The following RIMBP2 variants were observed in gnomAD, a reference collection of about 807,000 sequenced individuals.
The protein encoded by RIMBP2 is RIMS-binding protein 2.
Under a neutral mutation model 118.6 loss-of-function variants are expected in RIMBP2, and 48 were observed. The ratio of observed to expected loss-of-function variants is 0.40; its 90% CI spans 0.32 to 0.51. RIMBP2 has a LOEUF of 0.51. Ranked by LOEUF, RIMBP2 falls within the 20% of genes least tolerant of loss-of-function variation. The pLI, the probability that RIMBP2 is intolerant of heterozygous loss-of-function variation, is 0.41. For missense variants in RIMBP2, 1,551 were observed against 1,768.3 expected, an observed-to-expected ratio of 0.88 and a Z score of 2.20; for synonymous variants, 762 against 742.9, an observed-to-expected ratio of 1.03 and a Z score of -0.42.
chr12:130,488,323 GAA>G (rs11367115), intron 4 of RIMBP2, among the ~76,000 whole-genome samples: 4 of 151,536 alleles, frequency 2.6e-5, no homozygotes, highest in African/African-American at 4.9e-5. Context: ...AGTGGATGGC[GAA>G]AAAAAAGTTT....
intron 2 of RIMBP2, among the ~76,000 whole-genome samples, chr12:130,615,280 TATATATATATATATATG>T (rs2060849924): frequency 7.8e-6 from 1 of 127,542 alleles, no homozygotes; most frequent in Non-Finnish European, 1.6e-5. Flanking sequence ...CACATACATA[TATATATATATATATATG>T]TGTACACACA....
intron 2 of RIMBP2, among the ~76,000 whole-genome samples, chr12:130,589,403 T>C (rs1361133944): frequency 6.6e-6 from 1 of 152,376 alleles, no homozygotes; most frequent in African/African-American, 2.4e-5. Context: ...AAAGCACTCA[T>C]TGATGTACTC....
intron 5 of RIMBP2, 23 bp downstream of exon 5, chr12:130,478,889 G>A (rs756623599): frequency 2.6e-5 from 42 of 1,587,306 alleles, no homozygotes; most frequent in Middle Eastern, 4.1e-4. Context: ...CTCGCACGCC[G>A]CGCCCGGCTG....
intron 1 of RIMBP2, among the ~76,000 whole-genome samples, chr12:130,646,684 C>T (rs984238810): frequency 2.6e-5 from 4 of 152,228 alleles, no homozygotes; most frequent in Non-Finnish European, 2.9e-5. Context: ...CTATCTAAAA[C>T]TTAAAATTGT....
chr12:130,670,047 A>G lies in RIMBP2; in HGVS notation c.-351-41591T>C, dbSNP rs899364412. On this transcript the variant is annotated intron_variant, in intron 1 of 22. Transcript: ENST00000690449. This position sits in a 1 kb window ranked among gnomAD's most constrained non-coding sequence, Gnocchi z 4.9. ...ATTATGCAGGTGGGCCCCGAATCCA[A>G]TGACTGCTGTTTTTATAAAAGACTC... Among the ~76,000 whole-genome samples, 9 of 152,174 alleles carry G rather than the reference A, an allele frequency of 5.9e-5. No individual in the cohort carries two copies. Among genetic ancestry groups the G allele is most frequent in the African/African-American group, 1.4e-4 (6 of 41,432 alleles).
At chr12:130,681,431 G>T (rs1295909513) in intron 1 of RIMBP2, among the ~76,000 whole-genome samples, 2 of 152,016 alleles carry the variant, frequency 1.3e-5, no homozygotes, top group African/African-American at 4.8e-5. Context: ...TTTAGTTCCA[G>T]AATTTTTTAT....
chr12:130,676,843 G>A (rs565040973), intron 1 of RIMBP2, among the ~76,000 whole-genome samples: 1 of 152,264 alleles, frequency 6.6e-6, no homozygotes, highest in East Asian at 1.9e-4. Flanking sequence ...GGACAAGTGA[G>A]GGGCTGCTGG....
At chr12:130,579,150 G>T (rs1485612181) in intron 2 of RIMBP2, among the ~76,000 whole-genome samples, 1 of 152,118 alleles carries the variant, frequency 6.6e-6, no homozygotes, top group East Asian at 1.9e-4. Context: ...TCTGAGCCCC[G>T]CTTTTGAGGA....
intron 2 of RIMBP2, among the ~76,000 whole-genome samples, chr12:130,589,669 T>C (rs2059134604): frequency 6.6e-6 from 1 of 152,212 alleles, no homozygotes; most frequent in Admixed American, 6.5e-5. Context: ...ATTTAATCCT[T>C]CCGCAATGTA....
intron 6 of RIMBP2, among the ~76,000 whole-genome samples, chr12:130,459,289 GA>G (rs76094386): frequency 8.2e-4 from 113 of 138,344 alleles, no homozygotes; most frequent in Non-Finnish European, 9.8e-4. Flanking sequence ...AGCTATATAC[GA>G]AAAAAAAAAA....
chr12:130,594,500 T>C (rs534979309), intron 2 of RIMBP2, among the ~76,000 whole-genome samples: 23 of 152,292 alleles, frequency 1.5e-4, no homozygotes, highest in South Asian at 1.2e-3. Context: ...CTGGGCCACA[T>C]TGGAAGAAGA....
At chr12:130,504,050 G>A (rs931148539) in intron 4 of RIMBP2, among the ~76,000 whole-genome samples, 2 of 152,190 alleles carry the variant, frequency 1.3e-5, no homozygotes, top group Admixed American at 6.5e-5. Context: ...TGGGAGCAGG[G>A]GGGGGTGTCT....
intron 17 of RIMBP2, among the ~76,000 whole-genome samples, chr12:130,421,404 C>T (rs1375032745): frequency 6.6e-6 from 1 of 152,166 alleles, no homozygotes; most frequent in East Asian, 1.9e-4. Flanking sequence ...AATCTAAAAG[C>T]TGTGAAGATG....
chr12:130,449,460 C>T (rs1056530225), intron 9 of RIMBP2, among the ~76,000 whole-genome samples: 10 of 152,188 alleles, frequency 6.6e-5, no homozygotes, highest in African/African-American at 1.7e-4. Context: ...GCCCACTCAG[C>T]GGCTGTCATC....
At chr12:130,402,547 A>AACTT in intron 21 of RIMBP2, among the ~76,000 whole-genome samples, 1 of 152,180 alleles carries the variant, frequency 6.6e-6, no homozygotes, top group East Asian at 1.9e-4. Flanking sequence ...TTTACAGAAT[A>AACTT]ACTTTCTCTA....
chr12:130,419,366 G>A lies in RIMBP2; in HGVS notation c.3238+3087C>T, dbSNP rs546790875. ...GGGAGATCAGGGCTCATGCCTGGAC[G>A]CCTGGGTGGGCTCCCAAATCCACTG... On this transcript the variant is annotated intron_variant, in intron 17 of 22. Coordinates refer to ENST00000690449, the MANE Select transcript of RIMBP2 (RefSeq NM_001393629.1). This position sits in a 1 kb window ranked among gnomAD's most constrained non-coding sequence, Gnocchi z 4.3. 2.0e-5 allele frequency among the ~76,000 whole-genome samples: 3 copies of A among 152,292 alleles called. No individual in the cohort carries two copies. In the East Asian group the frequency reaches 5.8e-4, roughly 29 times the overall value.
intron 1 of RIMBP2, among the ~76,000 whole-genome samples, chr12:130,681,746 A>G (rs926525816): frequency 4.6e-5 from 7 of 152,044 alleles, no homozygotes; most frequent in African/African-American, 9.7e-5. Flanking sequence ...CCAGGCTGGA[A>G]TGCAGCGGCA....
intron 7 of RIMBP2, among the ~76,000 whole-genome samples, chr12:130,451,946 T>G (rs1292608236): frequency 6.6e-6 from 1 of 152,194 alleles, no homozygotes; most frequent in East Asian, 1.9e-4. Flanking sequence ...AAAATACTCT[T>G]GACGAGAGAT....
At chr12:130,716,014 A>G (rs1256687921) in intron 1 of RIMBP2, among the ~76,000 whole-genome samples, 1 of 151,978 alleles carries the variant, frequency 6.6e-6, no homozygotes, top group Non-Finnish European at 1.5e-5. Context: ...CAGCACCGAC[A>G]TGCCAGCAGG....
Sources: allele counts gnomAD v4.1 joint callset (sites outside exome capture counted in the v4.1 genomes callset), GRCh38; gene constraint gnomAD v4.1.1; non-coding constraint Gnocchi (gnomAD v3.1); transcripts MANE v1.5; gene names NCBI Gene and HGNC (gene_info 2026-07-23, HGNC 2026-07-21).